Variants in KIAA0753 observed in about 807,000 individuals in gnomAD.
KIAA0753 encodes the protein protein moonraker.
KIAA0753 carries 114 observed loss-of-function variants against 116.9 expected under a neutral mutation model. That is an observed-to-expected ratio of 0.98 (90% CI 0.84 to 1.14). The LOEUF is 1.14. Ranked by LOEUF, KIAA0753 falls within the 50% of genes most tolerant of loss-of-function variation. The pLI is 0.00. For synonymous variants in KIAA0753, 405 were observed against 413.1 expected (o/e 0.98, Z 0.24); for missense variants, 1,156 against 1,172.4 (o/e 0.99, Z 0.20).
chr17:6,611,183 G>C (rs934682335), intron 8 of KIAA0753, among the ~76,000 whole-genome samples: 2 of 152,146 alleles, frequency 1.3e-5, no homozygotes, highest in Non-Finnish European at 2.9e-5. Context: ...ATATAATGTA[G>C]TTTCAAATCA....
In KIAA0753 at chr17:6,611,923, T is replaced by G; in HGVS notation, c.1541A>C (p.Gln514Pro). 1 of 1,612,468 alleles carries G rather than the reference T, an allele frequency of 6.2e-7. No individual in the cohort carries two copies. Among genetic ancestry groups the G allele is most frequent in the Non-Finnish European group, 8.5e-7 (1 of 1,178,818 alleles). Residue 514 changes from glutamine (Q) to proline (P), a missense_variant, in exon 8 of 19, where the codon CAG (glutamine) becomes CCG (proline). Physicochemically the swap from Gln to Pro is moderately conservative, Grantham distance 76 (BLOSUM62 -1). Coordinates refer to ENST00000361413, the MANE Select transcript of KIAA0753 (RefSeq NM_014804.3). ...RKKDTLAPAR[Q>P]QGLRKAERGR... is the part of the protein sequence containing the mutation. ...AAGAGAGGAATGATTTCATACTTGC[T>G]GTCTTGCTGGCGCCAGAGTATCTTT...
intron 7 of KIAA0753, among the ~76,000 whole-genome samples, chr17:6,614,917 G>A (rs1458931780): frequency 2.0e-5 from 3 of 152,164 alleles, no homozygotes; most frequent in Non-Finnish European, 2.9e-5. Context: ...TCCTGCCTCA[G>A]CCTCCTGAGC....
In KIAA0753 at chr17:6,620,829, T is replaced by C. The variant is rs200801628; in HGVS notation, c.1274A>G (p.Gln425Arg). Reference sequence around the variant, plus strand: ...TGCTACAGAAGGTCGACTTGTTTCCTGTGGGAATGTGTCCTTTGCTGTGAG... The same window carrying C: ...TGCTACAGAAGGTCGACTTGTTTCCCGTGGGAATGTGTCCTTTGCTGTGAG... ...RPLTAKDTFP[Q>R]ETSRPSVAKQ... is the part of the protein sequence containing the mutation. Residue 425 changes from glutamine to arginine, a missense_variant, in exon 7 of 19, where the codon CAG becomes CGG. Gln to Arg is a conservative substitution (Grantham distance 43). Transcript: ENST00000361413. The C allele has an allele frequency of 5.4e-4, 874 of 1,614,210 alleles. No homozygotes were observed. Among genetic ancestry groups the C allele is most frequent in the Admixed American group, 1.2e-3 (73 of 60,028 alleles).
chr17:6,583,778 T>C (rs1342455037), intron 18 of KIAA0753, among the ~76,000 whole-genome samples: 1 of 152,234 alleles, frequency 6.6e-6, no homozygotes, highest in Non-Finnish European at 1.5e-5. Context: ...CACAGTTATT[T>C]TAATGTCTGT....
chr17:6,587,156 C>T (rs955748269), intron 18 of KIAA0753, among the ~76,000 whole-genome samples: 1 of 152,038 alleles, frequency 6.6e-6, no homozygotes, highest in African/African-American at 2.4e-5. Flanking sequence ...CACTTGAACC[C>T]AGGAGGCGGA....
intron 7 of KIAA0753, 98 bp downstream of exon 7, chr17:6,620,690 G>T: frequency 1.7e-6 from 2 of 1,169,830 alleles, no homozygotes; most frequent in Non-Finnish European, 2.5e-6. Flanking sequence ...TGTGGGCTAG[G>T]TCCTAAATCC....
intron 16 of KIAA0753, among the ~76,000 whole-genome samples, chr17:6,591,346 T>C (rs138559205): frequency 1.3e-4 from 20 of 152,394 alleles, no homozygotes; most frequent in Non-Finnish European, 2.8e-4. Flanking sequence ...CACATTTATA[T>C]GCTTAATTTC....
chr17:6,629,795 CA>C (rs1224627261), intron 2 of KIAA0753, among the ~76,000 whole-genome samples: 1 of 152,126 alleles, frequency 6.6e-6, no homozygotes, highest in African/African-American at 2.4e-5. Context: ...GACAAAACTT[CA>C]GGGAAGTATT....
chr17:6,624,247 C>A (rs182164528), intron 4 of KIAA0753, among the ~76,000 whole-genome samples: 1 of 152,272 alleles, frequency 6.6e-6, no homozygotes. Flanking sequence ...TCCTCAAAGA[C>A]ACTTAACATG....
In KIAA0753 at chr17:6,612,010, G is replaced by A. The variant is rs1970580348; in HGVS notation, c.1454C>T (p.Ala485Val). The change falls in exon 8 of 19, where the codon GCC becomes GTC. Residue 485 changes from alanine (A) to valine (V), a missense_variant. Transcript: ENST00000361413. Reference sequence around the variant, plus strand: ...TTTCCCTGCTTTTGTTTTTGCCACGGCTAACACCTCGTCTTTGAAGCTTGC... The same window carrying A: ...TTTCCCTGCTTTTGTTTTTGCCACGACTAACACCTCGTCTTTGAAGCTTGC... The part of the protein sequence containing the change: ...QSASFKDEVL[A>V]VAKTKAGKKK... The A allele has an allele frequency of 1.2e-6, 2 of 1,614,032 alleles. No individual in the cohort carries two copies. Among genetic ancestry groups the A allele is most frequent in the South Asian group, 2.2e-5 (2 of 91,084 alleles).
At chr17:6,615,598 G>C (rs1020446428) in intron 7 of KIAA0753, among the ~76,000 whole-genome samples, 31 of 109,880 alleles carry the variant, frequency 2.8e-4, no homozygotes, top group Non-Finnish European at 8.3e-5. Flanking sequence ...CTGGGCAACA[G>C]AGCGAGACTC....
intron 6 of KIAA0753, 39 bp downstream of exon 6, chr17:6,622,843 C>A (rs1205583934): frequency 2.0e-6 from 3 of 1,534,900 alleles, no homozygotes; most frequent in South Asian, 1.1e-5. Flanking sequence ...AGCATTACTT[C>A]CAATGCACCT....
chr17:6,621,920 T>C (rs1201222243), intron 6 of KIAA0753, among the ~76,000 whole-genome samples: 1 of 152,220 alleles, frequency 6.6e-6, no homozygotes, highest in Admixed American at 6.5e-5. Flanking sequence ...GAGTTCTATA[T>C]ACACGAATGT....
intron 3 of KIAA0753, among the ~76,000 whole-genome samples, chr17:6,625,498 C>T (rs1971606744): frequency 6.6e-6 from 1 of 151,918 alleles, no homozygotes; most frequent in African/African-American, 2.4e-5. Context: ...AAAACCCTGT[C>T]TCTACTAAAA....
chr17:6,582,773 C>T (rs1462178687), intron 18 of KIAA0753, among the ~76,000 whole-genome samples: 2 of 152,180 alleles, frequency 1.3e-5, no homozygotes, highest in African/African-American at 4.8e-5. Context: ...TAAGTGGCCA[C>T]CCTGGATTAC....
chr17:6,579,848 C>G lies in KIAA0753; in HGVS notation c.2803G>C (p.Val935Leu), dbSNP rs767842862. The stretch of plus-strand genomic sequence containing the variant: ...GCCACAGCACCCAGAGCTTCATCTA[C>G]CAGCTCTTCTGAAAAGCTGGAAGAC... ...LIAESFSEEL[V>L]DEALGAVAAE... Residue 935 changes from valine to leucine, a missense_variant, in exon 19 of 19, where the codon GTA becomes CTA. Val to Leu is a conservative substitution (Grantham distance 32, BLOSUM62 1). Transcript: ENST00000361413. 5.0e-6 allele frequency: 8 copies of G among 1,613,308 alleles called. No individual in the cohort carries two copies. Among genetic ancestry groups the G allele is most frequent in the Non-Finnish European group, 6.8e-6 (8 of 1,179,602 alleles).
At chr17:6,615,959 G>A (rs1286796966) in intron 7 of KIAA0753, among the ~76,000 whole-genome samples, 5 of 152,134 alleles carry the variant, frequency 3.3e-5, no homozygotes, top group African/African-American at 9.7e-5. Flanking sequence ...ACACAGGGAG[G>A]GTTTTCCATC....
chr17:6,595,391 G>A (rs1457244573), intron 15 of KIAA0753, among the ~76,000 whole-genome samples: 3 of 152,132 alleles, frequency 2.0e-5, no homozygotes, highest in African/African-American at 4.8e-5. Context: ...AAGCACCTGC[G>A]GCTAGTGGCT....
At position 6,612,068 on chromosome 17, in the gene KIAA0753, G is replaced by C. The variant is rs1199465853; in HGVS notation, c.1396C>G (p.Leu466Val). Residue 466 changes from leucine (L) to valine (V), a missense_variant, in exon 8 of 19, where the codon CTG becomes GTG. Leu to Val is a conservative substitution (Grantham distance 32, BLOSUM62 1). Coordinates refer to ENST00000361413, the MANE Select transcript of KIAA0753 (RefSeq NM_014804.3). ...TCTAGAATAAATGGTCCTTCTTCCA[G>C]AACTATATCCGCATCTAATACATCA... Reference protein sequence around the residue: ...ELDVLDADIVLEEGPFILDQS... With the variant: ...ELDVLDADIVVEEGPFILDQS... 6 of 1,613,986 alleles carry C rather than the reference G, an allele frequency of 3.7e-6. No individual in the cohort carries two copies. The highest frequency in any genetic ancestry group is 5.1e-6 in the Non-Finnish European group (6 of 1,180,002).
Sources: allele counts gnomAD v4.1 joint callset (sites outside exome capture counted in the v4.1 genomes callset), GRCh38; gene constraint gnomAD v4.1.1; transcripts MANE v1.5; gene names NCBI Gene and HGNC (gene_info 2026-07-23, HGNC 2026-07-21).